The following CHCHD6 variants were observed in gnomAD, a reference collection of about 807,000 sequenced individuals.
The protein encoded by CHCHD6 is coiled-coil-helix-coiled-coil-helix domain containing 6.
A neutral mutation model predicts 32.3 loss-of-function variants in CHCHD6; 28 were observed. The ratio of observed to expected loss-of-function variants is 0.87; its 90% CI spans 0.64 to 1.19. CHCHD6 has a LOEUF of 1.19. Ranked by LOEUF, CHCHD6 falls within the 50% of genes most tolerant of loss-of-function variation. CHCHD6 has a pLI of 0.00. For missense variants in CHCHD6, 333 were observed against 307.0 expected (o/e 1.08, Z -0.63); for synonymous variants, 122 against 117.5 (o/e 1.04, Z -0.25).
At chr3:126,911,511 C>A (rs899406125) in intron 5 of CHCHD6, among the ~76,000 whole-genome samples, 1 of 152,314 alleles carries the variant, frequency 6.6e-6, no homozygotes, top group South Asian at 2.1e-4. Context: ...TGAGGACATC[C>A]GTCCCTGTAG....
chr3:126,959,627 C>A (rs1253895030), intron 7 of CHCHD6, among the ~76,000 whole-genome samples: 1 of 152,222 alleles, frequency 6.6e-6, no homozygotes, highest in South Asian at 2.1e-4. Context: ...CAGGATCTAA[C>A]ATCTGCCCTG....
At chr3:126,722,114 C>T (rs917293032) in intron 1 of CHCHD6, among the ~76,000 whole-genome samples, 1 of 152,270 alleles carries the variant, frequency 6.6e-6, no homozygotes, top group African/African-American at 2.4e-5. Flanking sequence ...CAAGTGGTAA[C>T]TCTCCATATC....
chr3:126,749,581 A>G (rs1936643973), intron 4 of CHCHD6, among the ~76,000 whole-genome samples: 1 of 152,196 alleles, frequency 6.6e-6, no homozygotes, highest in South Asian at 2.1e-4. Context: ...AGCATAAATA[A>G]GAAAGACATG....
chr3:126,904,340 G>A (rs552575162), intron 5 of CHCHD6, among the ~76,000 whole-genome samples: 20 of 152,184 alleles, frequency 1.3e-4, no homozygotes, highest in African/African-American at 4.3e-4. Flanking sequence ...CCCTGTCAAG[G>A]TCCACCATAG....
intron 5 of CHCHD6, among the ~76,000 whole-genome samples, chr3:126,910,866 CAT>C (rs2078079427): frequency 6.6e-6 from 1 of 152,008 alleles, no homozygotes; most frequent in South Asian, 2.1e-4. Context: ...AAGTGGGGCA[CAT>C]GTGTGTGCTC....
At chr3:126,755,265 A>G (rs1936906752) in intron 4 of CHCHD6, among the ~76,000 whole-genome samples, 1 of 152,126 alleles carries the variant, frequency 6.6e-6, no homozygotes, top group Non-Finnish European at 1.5e-5. Context: ...ACAGCTGGGA[A>G]TGGGTTTTTG....
At chr3:126,924,314 T>TA (rs1446023326) in intron 6 of CHCHD6, among the ~76,000 whole-genome samples, 1 of 152,224 alleles carries the variant, frequency 6.6e-6, no homozygotes, top group Non-Finnish European at 1.5e-5. Context: ...AGATAATAGT[T>TA]ATCTCTGGTT....
At chr3:126,857,167 TTGGGAGGGAAGGGAGA>T (rs1161672176) in intron 5 of CHCHD6, among the ~76,000 whole-genome samples, 1 of 152,094 alleles carries the variant, frequency 6.6e-6, no homozygotes. Context: ...ACAGTCAGGT[TTGGGAGGGAAGGGAGA>T]TGCCGAGGAT....
At chr3:126,863,656 C>CCCTCCTCCACCATCACCACCTCCT (rs1559889065) in intron 5 of CHCHD6, among the ~76,000 whole-genome samples, 15 of 84,306 alleles carry the variant, frequency 1.8e-4, no homozygotes, top group Non-Finnish European at 2.3e-4. Context: ...CACCACCTCC[C>CCCTCCTCCACCATCACCACCTCCT]CCTCCTCCAC....
chr3:126,885,803 T>C (rs1453910365), intron 5 of CHCHD6, among the ~76,000 whole-genome samples: 1 of 152,226 alleles, frequency 6.6e-6, no homozygotes, highest in Non-Finnish European at 1.5e-5. Context: ...TCTTGCCTTG[T>C]CACTTTTACT....
chr3:126,941,145 A>G (rs991636234), intron 6 of CHCHD6, among the ~76,000 whole-genome samples: 6 of 152,226 alleles, frequency 3.9e-5, no homozygotes, highest in South Asian at 4.1e-4. Flanking sequence ...AAGTACTTCT[A>G]TGATTTTATT....
At chr3:126,904,591 C>T (rs1486324133) in intron 5 of CHCHD6, among the ~76,000 whole-genome samples, 2 of 152,184 alleles carry the variant, frequency 1.3e-5, no homozygotes, top group East Asian at 1.9e-4. Flanking sequence ...CAACTACATA[C>T]ATCGGCAGCA....
chr3:126,870,703 G>T (rs933103573), intron 5 of CHCHD6, among the ~76,000 whole-genome samples: 2 of 152,180 alleles, frequency 1.3e-5, no homozygotes, highest in Non-Finnish European at 2.9e-5. Flanking sequence ...TGAGCACAGG[G>T]ACTTCACTAT....
At position 126,704,650 on chromosome 3, in the gene CHCHD6, A is replaced by C. The variant is rs551471460; in HGVS notation, c.87+251A>C. On this transcript the variant is annotated intron_variant, in intron 1 of 7. Transcript: ENST00000290913. ...ACAGGTGCGAGGCCCCTGGGACACG[A>C]GGGACGCCCTGGCCACGTCCTGGCT... Among the ~76,000 whole-genome samples the C allele has an allele frequency of 8.5e-5, 13 of 152,218 alleles. No homozygotes were observed. The East Asian group carries it at 2.3e-3, about 27-fold the overall frequency.
intron 4 of CHCHD6, among the ~76,000 whole-genome samples, chr3:126,810,006 A>G (rs1376423956): frequency 6.6e-6 from 1 of 152,224 alleles, no homozygotes; most frequent in African/African-American, 2.4e-5. Context: ...TAGTTTTAAA[A>G]TAATATACAT....
chr3:126,801,201 A>G (rs1364612950), intron 4 of CHCHD6, among the ~76,000 whole-genome samples: 2 of 152,226 alleles, frequency 1.3e-5, no homozygotes, highest in Admixed American at 1.3e-4. Context: ...GGGGTGCCAG[A>G]CAGTGGGCGC....
intron 6 of CHCHD6, among the ~76,000 whole-genome samples, chr3:126,955,598 C>T (rs2078772485): frequency 6.6e-6 from 1 of 152,202 alleles, no homozygotes; most frequent in Non-Finnish European, 1.5e-5. Flanking sequence ...GCATGGCAGT[C>T]ACAGGCGGCT....
At chr3:126,872,749 C>G (rs1266000599) in intron 5 of CHCHD6, among the ~76,000 whole-genome samples, 1 of 152,170 alleles carries the variant, frequency 6.6e-6, no homozygotes, top group Non-Finnish European at 1.5e-5. Flanking sequence ...GTTTTCATCC[C>G]TATCTTTTAG....
At chr3:126,736,590 A>G (rs1936054660) in intron 4 of CHCHD6, among the ~76,000 whole-genome samples, 1 of 152,210 alleles carries the variant, frequency 6.6e-6, no homozygotes, top group South Asian at 2.1e-4. Flanking sequence ...TATTGGGAAA[A>G]GTTATAAAAC....
Sources: gnomAD v4.1 joint callset for allele counts (sites outside exome capture counted in the v4.1 genomes callset) on GRCh38, gnomAD v4.1.1 for gene constraint, MANE v1.5 for transcripts, NCBI Gene and HGNC (gene_info 2026-07-23, HGNC 2026-07-21) for gene names.